SPTY2D1: variants seen among roughly 807,000 people sequenced by gnomAD.
SPTY2D1 encodes the protein protein SPT2 homolog.
In SPTY2D1, 21 loss-of-function variants were observed where a neutral mutation model predicts 64.0. The observed-to-expected ratio is 0.33, with a 90% CI of 0.23 to 0.47. The LOEUF is 0.47. SPTY2D1 is among the 20% of genes least tolerant of loss of function. SPTY2D1 has a pLI of 1.00. For synonymous variants in SPTY2D1, 287 were observed against 286.8 expected (o/e 1.00, Z -0.01); for missense variants, 724 against 837.2 (o/e 0.86, Z 1.67).
At chr11:18,618,177 A>C (rs1854331632) in intron 1 of SPTY2D1, among the ~76,000 whole-genome samples, 1 of 152,186 alleles carries the variant, frequency 6.6e-6, no homozygotes, top group African/African-American at 2.4e-5. Context: ...TACTTTGACC[A>C]CACACAAAGG....
intron 5 of SPTY2D1, among the ~76,000 whole-genome samples, chr11:18,610,614 C>T (rs955746310): frequency 2.7e-5 from 4 of 147,638 alleles, no homozygotes; most frequent in African/African-American, 5.0e-5. Flanking sequence ...TGCAGTGAGC[C>T]GTGACCATGC....
chr11:18,625,822 T>TC (rs1334256068), intron 1 of SPTY2D1, among the ~76,000 whole-genome samples: 2 of 150,772 alleles, frequency 1.3e-5, no homozygotes, highest in Non-Finnish European at 3.0e-5. Flanking sequence ...ACTTTCTTTT[T>TC]TTTTTTTTTT....
At chr11:18,625,025 T>C (rs570181323) in intron 1 of SPTY2D1, among the ~76,000 whole-genome samples, 6 of 152,290 alleles carry the variant, frequency 3.9e-5, no homozygotes, top group Non-Finnish European at 2.9e-5. Context: ...AATTCCTCCA[T>C]GAAAGCTGTT....
intron 3 of SPTY2D1, among the ~76,000 whole-genome samples, chr11:18,613,007 GTC>G (rs1854231906): frequency 6.6e-6 from 1 of 152,146 alleles, no homozygotes; most frequent in African/African-American, 2.4e-5. Flanking sequence ...CAGGTGATCT[GTC>G]TGCCTTGGCC....
chr11:18,629,411 G>A (rs959840262), intron 1 of SPTY2D1, among the ~76,000 whole-genome samples: 2 of 152,130 alleles, frequency 1.3e-5, no homozygotes, highest in Non-Finnish European at 2.9e-5. Context: ...GGCTGAGGCA[G>A]GAGAATCGCT....
intron 2 of SPTY2D1, 41 bp from the exon 3 acceptor site, chr11:18,616,139 C>G: frequency 6.6e-7 from 1 of 1,520,530 alleles, no homozygotes. Flanking sequence ...ACTTCGAGAT[C>G]TCAAGATTGC....
rs985435230 is a variant in SPTY2D1 at position 18,615,420 on chromosome 11, C to G, written c.854G>C (p.Gly285Ala). ...GCCAGATCCTGCCTTGATCCTCTCTCCTGGCATGGATTTGGATGAAGACAA... is the reference window on the plus strand; with the variant it reads ...GCCAGATCCTGCCTTGATCCTCTCTGCTGGCATGGATTTGGATGAAGACAA... Reference protein sequence around the residue: ...LALSSSKSMPGERIKAGSGNS... With the variant: ...LALSSSKSMPAERIKAGSGNS... The change falls in exon 3 of 6, where the codon GGA (glycine) becomes GCA (alanine). Residue 285 changes from glycine to alanine, a missense_variant. Coordinates refer to ENST00000336349, the MANE Select transcript of SPTY2D1 (RefSeq NM_194285.3). 7 of 1,614,082 alleles carry G rather than the reference C, an allele frequency of 4.3e-6. No individual in the cohort carries two copies. The African/African-American group carries it at 8.0e-5, about 18-fold the overall frequency.
chr11:18,626,425 A>G, intron 1 of SPTY2D1, among the ~76,000 whole-genome samples: 1 of 36,958 alleles, frequency 2.7e-5, no homozygotes, highest in East Asian at 1.3e-3. Context: ...CAAAACAAAC[A>G]AACAAAAAAA....
At chr11:18,629,502 CA>C (rs531620186) in intron 1 of SPTY2D1, among the ~76,000 whole-genome samples, 2 of 148,798 alleles carry the variant, frequency 1.3e-5, no homozygotes, top group African/African-American at 4.9e-5. Flanking sequence ...GACTTTGTCT[CA>C]AAAAAAAAAT....
At chr11:18,617,355 A>G (rs943643375) in intron 1 of SPTY2D1, among the ~76,000 whole-genome samples, 2 of 152,130 alleles carry the variant, frequency 1.3e-5, no homozygotes, top group African/African-American at 4.8e-5. Flanking sequence ...GGCTGGGCTC[A>G]GGGTCTCATG....
At chr11:18,630,561 C>T (rs1300185685) in intron 1 of SPTY2D1, among the ~76,000 whole-genome samples, 1 of 152,202 alleles carries the variant, frequency 6.6e-6, no homozygotes, top group Non-Finnish European at 1.5e-5. Context: ...TCGCTAGTCA[C>T]TGGATTTCCT....
intron 1 of SPTY2D1, among the ~76,000 whole-genome samples, chr11:18,619,347 A>G (rs1170548350): frequency 6.6e-6 from 1 of 151,720 alleles, no homozygotes; most frequent in Admixed American, 6.6e-5. Flanking sequence ...GGCCAGGCGC[A>G]GTGGCTCAAG....
chr11:18,612,921 C>T lies in SPTY2D1; in HGVS notation c.1712-433G>A, dbSNP rs566126265. Among the ~76,000 whole-genome samples the T allele has an allele frequency of 2.6e-5, 4 of 152,034 alleles. No individual in the cohort carries two copies. Among genetic ancestry groups the T allele is most frequent in the Non-Finnish European group, 2.9e-5 (2 of 68,006 alleles). On this transcript the variant is annotated intron_variant, in intron 3 of 5. Coordinates refer to ENST00000336349, the MANE Select transcript of SPTY2D1 (RefSeq NM_194285.3). This position sits in a 1 kb window ranked among gnomAD's most constrained non-coding sequence, Gnocchi z 4.6. Reference sequence around the variant, plus strand: ...CTGGGATTATAGGCATGTGCCACAACGCCTGGCTAATTTTGTATTTTTAGT... The same window carrying T: ...CTGGGATTATAGGCATGTGCCACAATGCCTGGCTAATTTTGTATTTTTAGT...
intron 1 of SPTY2D1, among the ~76,000 whole-genome samples, chr11:18,624,705 T>C (rs768250000): frequency 2.2e-4 from 34 of 152,332 alleles, no homozygotes; most frequent in South Asian, 4.1e-4. Flanking sequence ...TTGGAATCGA[T>C]AGTCAATCCC....
chr11:18,633,446 G>C lies in SPTY2D1; in HGVS notation c.60+752C>G, dbSNP rs561563931. 2.6e-3 allele frequency among the ~76,000 whole-genome samples: 393 copies of C among 152,286 alleles called. 2 individuals carry two copies. Among genetic ancestry groups the C allele is most frequent in the African/African-American group, 8.8e-3 (365 of 41,552 alleles). Reference sequence around the variant, plus strand: ...AAACAGCCATAACCCCCAGAAACCAGGCGCTCTCCACCACTTTACCATTTA... The same window carrying C: ...AAACAGCCATAACCCCCAGAAACCACGCGCTCTCCACCACTTTACCATTTA... On this transcript the variant is annotated intron_variant, in intron 1 of 5. Coordinates refer to ENST00000336349, the MANE Select transcript of SPTY2D1 (RefSeq NM_194285.3).
At chr11:18,629,570 A>G (rs1854552798) in intron 1 of SPTY2D1, among the ~76,000 whole-genome samples, 2 of 152,326 alleles carry the variant, frequency 1.3e-5, no homozygotes, top group Non-Finnish European at 1.5e-5. Flanking sequence ...TTCTACCAAA[A>G]CAAGTTAACT....
At chr11:18,634,050 G>T in intron 1 of SPTY2D1, 148 bp downstream of exon 1, 1 of 835,494 alleles carries the variant, frequency 1.2e-6, no homozygotes, top group Non-Finnish European at 1.9e-6. Flanking sequence ...GAGTTCCCAA[G>T]AGTATAAACC....
At chr11:18,611,591 C>CT (rs776059676) in intron 4 of SPTY2D1, 37 bp from the exon 5 acceptor site, 11 of 1,548,268 alleles carry the variant, frequency 7.1e-6, no homozygotes, top group South Asian at 1.1e-5. Context: ...AAAGAGAAAA[C>CT]TTCAATTTTC....
chr11:18,633,971 G>A lies in SPTY2D1; in HGVS notation c.60+227C>T, dbSNP rs192934953. 1.2e-4 allele frequency among the ~76,000 whole-genome samples: 18 copies of A among 152,330 alleles called. No homozygotes were observed. In the East Asian group the frequency reaches 3.1e-3, roughly 26 times the overall value. ...CCCAAACCGCAAAGTCCCTGTTGCA[G>A]GGGTAAATAAGCCGGCGAAACCCAT... On this transcript the variant is annotated intron_variant, in intron 1 of 5. Coordinates refer to ENST00000336349, the MANE Select transcript of SPTY2D1 (RefSeq NM_194285.3).
Sources: gnomAD v4.1 joint callset for allele counts (sites outside exome capture counted in the v4.1 genomes callset) on GRCh38, gnomAD v4.1.1 for gene constraint, Gnocchi (gnomAD v3.1) non-coding constraint, MANE v1.5 for transcripts, NCBI Gene and HGNC (gene_info 2026-07-23, HGNC 2026-07-21) for gene names.